The following SUMF1 variants were observed in gnomAD, a reference collection of about 807,000 sequenced individuals.
The protein encoded by SUMF1 is formylglycine-generating enzyme.
In SUMF1, 48 loss-of-function variants were observed where a neutral mutation model predicts 47.6. That is an observed-to-expected ratio of 1.01 (90% CI 0.80 to 1.28). SUMF1 has a LOEUF of 1.28. Ranked by LOEUF, SUMF1 falls within the 50% of genes most tolerant of loss-of-function variation. The pLI, the probability that SUMF1 is intolerant of heterozygous loss-of-function variation, is 0.00. For missense variants in SUMF1, 571 were observed against 485.4 expected (o/e 1.18, Z -1.66); for synonymous variants, 230 against 192.1 (o/e 1.20, Z -1.63).
rs186277094 is a variant in SUMF1 at position 4,152,760 on chromosome 3, T to C, written c.1015-84015A>G. Reference sequence around the variant, plus strand: ...CTGTCCTGAGGCTAGTAACAACCATTAATTCAGCCCACCTTCTGCACCCAA... The same window carrying C: ...CTGTCCTGAGGCTAGTAACAACCATCAATTCAGCCCACCTTCTGCACCCAA... On this transcript the variant is annotated intron_variant and NMD_transcript_variant, in intron 8 of 12. Coordinates refer to the SUMF1 transcript ENST00000448413. Among the ~76,000 whole-genome samples, 303 of 151,626 alleles carry C rather than the reference T, an allele frequency of 2.0e-3. 3 individuals are homozygous for C. The highest frequency in any genetic ancestry group is 0.014 in the Middle Eastern group (4 of 294).
At chr3:4,451,590 C>T (rs1259237097) in intron 2 of SUMF1, among the ~76,000 whole-genome samples, 1 of 152,218 alleles carries the variant, frequency 6.6e-6, no homozygotes, top group Non-Finnish European at 1.5e-5. Flanking sequence ...TAGAAGTCTT[C>T]TAACTTAAGT....
At chr3:4,118,193 C>A (rs138399517) in intron 8 of SUMF1, among the ~76,000 whole-genome samples, 1 of 151,932 alleles carries the variant, frequency 6.6e-6, no homozygotes, top group Non-Finnish European at 1.5e-5. Flanking sequence ...TGACCATCAT[C>A]GCCTCTAGCT....
intron 8 of SUMF1, among the ~76,000 whole-genome samples, chr3:4,157,016 T>C (rs970348613): frequency 6.6e-6 from 1 of 151,636 alleles, no homozygotes; most frequent in African/African-American, 2.4e-5. Flanking sequence ...CACATCTGTC[T>C]GCATCTTTGA....
At chr3:4,465,107 C>T (rs1039122487) in intron 1 of SUMF1, among the ~76,000 whole-genome samples, 1 of 152,142 alleles carries the variant, frequency 6.6e-6, no homozygotes, top group African/African-American at 2.4e-5. Context: ...TTGAGACAGA[C>T]CAATGTATAT....
intron 8 of SUMF1, among the ~76,000 whole-genome samples, chr3:4,374,947 G>A (rs907802969): frequency 6.6e-6 from 1 of 151,930 alleles, no homozygotes; most frequent in Admixed American, 6.6e-5. Context: ...AGAATTTCCT[G>A]AGCCCAAATG....
chr3:4,316,320 G>A (rs1698643377), intron 8 of SUMF1: 1 of 1,240,340 alleles, frequency 8.1e-7, no homozygotes, highest in Admixed American at 2.0e-5. Flanking sequence ...CAATGCATTT[G>A]GCCCAGGAAC....
In SUMF1 at chr3:4,348,862, C is replaced by T. The variant is rs150972429; in HGVS notation, c.1014+27468G>A. 5.1e-3 allele frequency among the ~76,000 whole-genome samples: 779 copies of T among 152,180 alleles called. 7 individuals carry two copies. Among genetic ancestry groups the T allele is most frequent in the African/African-American group, 0.017 (708 of 41,522 alleles). ...TGCACTCCAGCCTGGGCAACAAGAGCGAAGCGCCGTCTCAAACAAACAAAC... is the reference window on the plus strand; with the variant it reads ...TGCACTCCAGCCTGGGCAACAAGAGTGAAGCGCCGTCTCAAACAAACAAAC... On this transcript the variant is annotated intron_variant and NMD_transcript_variant, in intron 8 of 12. Coordinates refer to the SUMF1 transcript ENST00000448413.
intron 8 of SUMF1, among the ~76,000 whole-genome samples, chr3:4,367,065 T>C (rs1333057613): frequency 1.4e-4 from 21 of 152,208 alleles, no homozygotes; most frequent in Admixed American, 4.6e-4. Context: ...GCTGTCTGAT[T>C]GTTCCTCTGG....
At chr3:4,436,138 A>T (rs184992714) in intron 3 of SUMF1, among the ~76,000 whole-genome samples, 8 of 152,290 alleles carry the variant, frequency 5.3e-5, no homozygotes, top group South Asian at 2.1e-4. Context: ...GTAAATAAAT[A>T]AATTAAATTA....
At chr3:4,430,099 G>A (rs142346145) in intron 3 of SUMF1, among the ~76,000 whole-genome samples, 31 of 152,184 alleles carry the variant, frequency 2.0e-4, no homozygotes, top group African/African-American at 6.5e-4. Flanking sequence ...AATAACCCAC[G>A]GCTGCAGGGT....
At chr3:4,047,429 C>T (rs1695025559) in intron 9 of SUMF1, among the ~76,000 whole-genome samples, 1 of 152,134 alleles carries the variant, frequency 6.6e-6, no homozygotes, top group Non-Finnish European at 1.5e-5. Context: ...TCGGTGCTTA[C>T]AGGAGACTGG....
rs576792610 is a variant in SUMF1, at chr3:4,172,915, T to A, written c.1015-104170A>T. Among the ~76,000 whole-genome samples the A allele has an allele frequency of 3.3e-5, 5 of 152,334 alleles. No homozygotes were observed. In the East Asian group the frequency reaches 9.6e-4, roughly 29 times the overall value. ...GCCATTGCTTTTGGCATTTTAGTCA[T>A]GAAGTCTTTGCCCATGCCTATGTTT... On this transcript the variant is annotated intron_variant and NMD_transcript_variant, in intron 8 of 12. Transcript: ENST00000448413.
chr3:4,302,207 C>G (rs1697985702), intron 8 of SUMF1, among the ~76,000 whole-genome samples: 1 of 152,116 alleles, frequency 6.6e-6, no homozygotes, highest in African/African-American at 2.4e-5. Flanking sequence ...GACATGTGCC[C>G]AAGGTGGTTG....
At chr3:4,253,543 G>A (rs539876287) in intron 8 of SUMF1, among the ~76,000 whole-genome samples, 25 of 151,540 alleles carry the variant, frequency 1.6e-4, no homozygotes, top group African/African-American at 4.9e-4. Context: ...TGAATATTGC[G>A]CTTTTCAGAC....
Position 4,090,288 on chromosome 3 carries a change from C to A in SUMF1, c.1015-21543G>T, listed in dbSNP as rs79891653. On this transcript the variant is annotated intron_variant and NMD_transcript_variant, in intron 8 of 12. Transcript: ENST00000448413. The stretch of plus-strand genomic sequence containing the variant: ...TCTGTGTGGAGCTGACACATTCCCC[C>A]ATGTCTGCATGGGTTTTCTCTAGGT... Among the ~76,000 whole-genome samples, 485 of 152,212 alleles carry A rather than the reference C, an allele frequency of 3.2e-3. 2 individuals carry two copies. The highest frequency in any genetic ancestry group is 5.5e-3 in the Non-Finnish European group (374 of 68,022).
intron 8 of SUMF1, among the ~76,000 whole-genome samples, chr3:4,149,564 T>A (rs917293302): frequency 1.3e-5 from 2 of 152,110 alleles, no homozygotes; most frequent in Non-Finnish European, 2.9e-5. Flanking sequence ...TTGAACCACG[T>A]CATTAGGAAT....
chr3:4,346,606 A>T (rs1389004015), intron 8 of SUMF1, among the ~76,000 whole-genome samples: 1 of 152,154 alleles, frequency 6.6e-6, no homozygotes, highest in Non-Finnish European at 1.5e-5. Context: ...CCCTAACATC[A>T]CAATTAAAAG....
intron 8 of SUMF1, among the ~76,000 whole-genome samples, chr3:4,130,210 C>T (rs570024739): frequency 2.0e-5 from 3 of 152,210 alleles, no homozygotes; most frequent in Non-Finnish European, 2.9e-5. Context: ...AACCAACTGG[C>T]GACTCTGATT....
At chr3:4,060,583 A>T (rs1461974849) in intron 9 of SUMF1, among the ~76,000 whole-genome samples, 1 of 152,184 alleles carries the variant, frequency 6.6e-6, no homozygotes. Context: ...ATTAACATTC[A>T]AACACATTTT....
Sources: gnomAD v4.1 joint callset for allele counts (sites outside exome capture counted in the v4.1 genomes callset) on GRCh38, gnomAD v4.1.1 for gene constraint, MANE v1.5 for transcripts, NCBI Gene and HGNC (gene_info 2026-07-23, HGNC 2026-07-21) for gene names.